IL1R1: variants seen among roughly 807,000 people sequenced by gnomAD.
IL1R1 encodes interleukin 1 receptor type 1, also known as interleukin-1 receptor type 1.
In IL1R1, 22 loss-of-function variants were observed where a neutral mutation model predicts 50.2. That is an observed-to-expected ratio of 0.44 (90% CI 0.31 to 0.63). The LOEUF is 0.63. IL1R1 is among the 20% of genes least tolerant of loss of function. IL1R1 has a pLI of 0.07. For missense variants in IL1R1, 509 were observed against 676.2 expected, an observed-to-expected ratio of 0.75 and a Z score of 2.74; for synonymous variants, 251 against 236.7, an observed-to-expected ratio of 1.06 and a Z score of -0.55.
At chr2:102,168,698 GT>G (rs55639750) in intron 7 of IL1R1, 35 bp downstream of exon 7, 94,919 of 1,232,130 alleles carry the variant, frequency 0.077, 1,491 homozygotes, top group African/African-American at 0.09. Flanking sequence ...GCTGGAATCG[GT>G]TTTTTTTTTT....
At chr2:102,173,120 T>C (rs1685833067) in intron 9 of IL1R1, among the ~76,000 whole-genome samples, 1 of 152,198 alleles carries the variant, frequency 6.6e-6, no homozygotes, top group East Asian at 1.9e-4. Flanking sequence ...GGTACTTCGT[T>C]TTCTGTACTT....
At chr2:102,102,140 A>G (rs1182272765), upstream of IL1R1, among the ~76,000 whole-genome samples, 1 of 152,212 alleles carries the variant, frequency 6.6e-6, no homozygotes, top group Non-Finnish European at 1.5e-5. Context: ...ATAATCTGCC[A>G]ATTAATCCAG....
At chr2:102,085,681 C>G (rs1016645110) in intron 1 of IL1R1, among the ~76,000 whole-genome samples, 1 of 151,806 alleles carries the variant, frequency 6.6e-6, no homozygotes, top group Non-Finnish European at 1.5e-5. Context: ...ATTGCCATAG[C>G]TATTATTTGC....
chr2:102,125,796 T>A (rs1024884377), intron 1 of IL1R1, among the ~76,000 whole-genome samples: 2 of 152,236 alleles, frequency 1.3e-5, no homozygotes, highest in African/African-American at 4.8e-5. Context: ...TAATACACAG[T>A]TTCCCAGGGG....
At chr2:102,074,395 G>A (rs1443445242) in intron 1 of IL1R1, among the ~76,000 whole-genome samples, 1 of 152,168 alleles carries the variant, frequency 6.6e-6, no homozygotes, top group East Asian at 1.9e-4. Flanking sequence ...TGTGATGACT[G>A]GGCCTATCTG....
At chr2:102,136,566 CG>C (rs1682356230) in intron 1 of IL1R1, among the ~76,000 whole-genome samples, 1 of 151,818 alleles carries the variant, frequency 6.6e-6, no homozygotes. Context: ...TTAGTAGAGA[CG>C]GGGTTTCCCC....
At chr2:102,168,464 C>T in intron 6 of IL1R1, 134 bp from the exon 7 acceptor site, 1 of 728,638 alleles carries the variant, frequency 1.4e-6, no homozygotes. Context: ...CCTCCTGTCT[C>T]CTGGCATATG....
chr2:102,088,617 A>G (rs1262171862), intron 1 of IL1R1, among the ~76,000 whole-genome samples: 8 of 152,320 alleles, frequency 5.3e-5, no homozygotes, highest in Non-Finnish European at 1.2e-4. Context: ...ATTAGCTCCT[A>G]ATAAGAAAGT....
At chr2:102,121,477 T>A (rs12712130) in intron 1 of IL1R1, among the ~76,000 whole-genome samples, 1 of 151,988 alleles carries the variant, frequency 6.6e-6, no homozygotes, top group Non-Finnish European at 1.5e-5. Flanking sequence ...CTCCTTCTTC[T>A]GGAGTTGACC....
chr2:102,176,294 C>T, intron 11 of IL1R1, 59 bp from the exon 12 acceptor site: 1 of 1,494,514 alleles, frequency 6.7e-7, no homozygotes, highest in Non-Finnish European at 9.1e-7. Context: ...GGCTTTGGTT[C>T]AGGAGAGAAT....
Position 102,165,322 on chromosome 2 carries a change from A to G in IL1R1, c.486+18A>G, listed in dbSNP as rs1578017408. ...GGTATAAGGTAATTTTATTTTAAAT[A>G]TGACATTTCACTTTTCCAGAAAATA... On this transcript the variant is annotated intron_variant, in intron 5 of 11. Transcript: ENST00000410023. 7.3e-7 allele frequency: 1 copy of G among 1,367,260 alleles called. No individual in the cohort carries two copies. The highest frequency in any genetic ancestry group is 1.0e-6 in the Non-Finnish European group (1 of 1,001,274). 84.7% of individuals were successfully genotyped at this position (1,367,260 alleles called of 1,614,324 possible). A position where few individuals can be genotyped will look rare whatever the true frequency, so the allele number is the denominator to read the frequency against.
intron 1 of IL1R1, among the ~76,000 whole-genome samples, chr2:102,073,409 C>T (rs530109868): frequency 1.4e-4 from 22 of 152,276 alleles, no homozygotes; most frequent in African/African-American, 4.8e-4. Context: ...GAAAGAGAGG[C>T]CATGGCCCCT....
At chr2:102,104,356 G>A (rs771324899), upstream of IL1R1, among the ~76,000 whole-genome samples, 5 of 152,174 alleles carry the variant, frequency 3.3e-5, no homozygotes, top group Non-Finnish European at 7.3e-5. Context: ...TCTGATGATG[G>A]GAACATGATA....
At chr2:102,166,318 G>A (rs1013915747) in intron 6 of IL1R1, 37 bp downstream of exon 6, 2 of 1,524,740 alleles carry the variant, frequency 1.3e-6, no homozygotes, top group Non-Finnish European at 9.0e-7. Context: ...GTTTAGATCT[G>A]GGAAGGTCCA....
chr2:102,150,736 C>T (rs1279699176), intron 1 of IL1R1, among the ~76,000 whole-genome samples: 1 of 152,150 alleles, frequency 6.6e-6, no homozygotes, highest in African/African-American at 2.4e-5. Flanking sequence ...CCTTGGGTCA[C>T]CCTAGGATCT....
At chr2:102,158,375 T>C (rs565502766) in intron 3 of IL1R1, among the ~76,000 whole-genome samples, 1 of 152,228 alleles carries the variant, frequency 6.6e-6, no homozygotes, top group African/African-American at 2.4e-5. Flanking sequence ...TGATGGCAAG[T>C]ATAGGGAGGA....
In IL1R1 at chr2:102,169,074, T is replaced by C. The variant is rs141686187; in HGVS notation, c.721+411T>C. Among the ~76,000 whole-genome samples the C allele has an allele frequency of 2.0e-4, 30 of 152,244 alleles. No individual in the cohort carries two copies. In the East Asian group the frequency reaches 4.4e-3, roughly 22 times the overall value. Reference sequence around the variant, plus strand: ...CAGTAGGTGTTACTTATCTCTGAATTAAACAAAAATTATATTTGACATCTT... The same window carrying C: ...CAGTAGGTGTTACTTATCTCTGAATCAAACAAAAATTATATTTGACATCTT... On this transcript the variant is annotated intron_variant, in intron 7 of 11. Transcript: ENST00000410023.
Position 102,179,225 on chromosome 2 carries a change from C to T in IL1R1, c.*2466C>T, listed in dbSNP as rs1255873889. 6.6e-6 allele frequency: 1 copy of T among 152,302 alleles called. No homozygotes were observed. The highest frequency in any genetic ancestry group is 1.5e-5 in the Non-Finnish European group (1 of 68,044). 9.4% of individuals were successfully genotyped at this position (152,302 alleles called of 1,614,324 possible). ...GTCAGCATGCATAGTGCTAAGAAAG[C>T]AAGCCAATTTGGAAACTTAGGTTAG... On this transcript the variant is annotated 3_prime_UTR_variant, in exon 12 of 12. Transcript: ENST00000410023.
chr2:102,158,794 C>T (rs1004344438), intron 3 of IL1R1, among the ~76,000 whole-genome samples: 17 of 152,052 alleles, frequency 1.1e-4, no homozygotes, highest in Admixed American at 5.2e-4. Flanking sequence ...ATCTGACTTA[C>T]GTTTTGATTC....
Sources: allele counts gnomAD v4.1 joint callset (sites outside exome capture counted in the v4.1 genomes callset), GRCh38; gene constraint gnomAD v4.1.1; transcripts MANE v1.5; gene names NCBI Gene and HGNC (gene_info 2026-07-23, HGNC 2026-07-21).